MGST1: variants seen among roughly 807,000 people sequenced by gnomAD.
MGST1 encodes microsomal glutathione S-transferase 1, also known as glutathione S-transferase 12.
MGST1 carries 5 observed loss-of-function variants against 8.9 expected under a neutral mutation model. That is an observed-to-expected ratio of 0.56 (90% confidence interval 0.29 to 1.19). The LOEUF is 1.19. MGST1 is among the 50% of genes most tolerant of loss of function. MGST1 has a pLI of 0.08. For synonymous variants in MGST1, 54 were observed against 67.8 expected (o/e 0.80, Z 1.00); for missense variants, 182 against 187.4 (o/e 0.97, Z 0.17).
chr12:16,369,436 A>C lies in MGST1; in HGVS notation c.222-6686A>C, dbSNP rs538438206. Among the ~76,000 whole-genome samples the C allele has an allele frequency of 4.6e-5, 7 of 152,048 alleles. No homozygotes were observed. The South Asian group carries it at 1.5e-3, about 32-fold the overall frequency. On this transcript the variant is annotated intron_variant, in intron 3 of 3. Transcript: ENST00000535309. This position sits in a 1 kb window ranked among gnomAD's most constrained non-coding sequence, Gnocchi z 4.8. Reference sequence around the variant, plus strand: ...GAATATGTGTCTGGGTTCTCTAAGGAATCTGGAAATTGGCTGAAACTTGGC... The same window carrying C: ...GAATATGTGTCTGGGTTCTCTAAGGCATCTGGAAATTGGCTGAAACTTGGC...
rs1285320874 is a variant in MGST1 at position 16,555,901 on chromosome 12, C to T, written n.483-33627C>T. On this transcript the variant is annotated intron_variant and non_coding_transcript_variant, in intron 4 of 4. Coordinates refer to the MGST1 transcript ENST00000538857. The surrounding 1 kb of genome is among the most constrained non-coding windows in gnomAD (Gnocchi z 5.5). ...TCTAGGGAGTTCTTTTTTCAAGACC[C>T]AGCATATCAGGCCTTTGATGCTTCC... Among the ~76,000 whole-genome samples, 1 of 152,078 alleles carries T rather than the reference C, an allele frequency of 6.6e-6. No homozygotes were observed. The highest frequency in any genetic ancestry group is 1.5e-5 in the Non-Finnish European group (1 of 68,014).
chr12:16,363,846 C>T lies in MGST1; in HGVS notation c.273C>T (p.Leu91=). Residue 91 remains leucine, a synonymous_variant, in exon 4 of 4, where the codon CTC becomes CTT. Transcript: ENST00000396210. This position sits in a 1 kb window ranked among gnomAD's most constrained non-coding sequence, Gnocchi z 4.6. ...TTATTCCATTTCTTGGAATTGGCCT[C>T]CTGTATTCCTTGAGTGGTCCCGACC... ...ENIIPFLGIG[L]LYSLSGPDPS... The T allele has an allele frequency of 1.2e-6, 2 of 1,613,134 alleles. No homozygotes were observed. Among genetic ancestry groups the T allele is most frequent in the South Asian group, 1.1e-5 (1 of 91,026 alleles).
chr12:16,529,495 A>G (rs1941709421), intron 4 of MGST1, among the ~76,000 whole-genome samples: 1 of 152,078 alleles, frequency 6.6e-6, no homozygotes, highest in Non-Finnish European at 1.5e-5. Context: ...CAAGTCTATC[A>G]ACAATTTCAT....
chr12:16,415,578 C>T (rs1248814041), intron 1 of MGST1, among the ~76,000 whole-genome samples: 1 of 152,156 alleles, frequency 6.6e-6, no homozygotes, highest in Non-Finnish European at 1.5e-5. Context: ...ATTTTCTCTT[C>T]CTTATGAATT....
At chr12:16,581,461 T>C (rs1281808556) in intron 4 of MGST1, among the ~76,000 whole-genome samples, 1 of 152,182 alleles carries the variant, frequency 6.6e-6, no homozygotes, top group African/African-American at 2.4e-5. Flanking sequence ...TGAAAAATAA[T>C]ACTAAAATAT....
At chr12:16,568,069 C>T (rs1443586169) in intron 4 of MGST1, among the ~76,000 whole-genome samples, 2 of 151,988 alleles carry the variant, frequency 1.3e-5, no homozygotes, top group Non-Finnish European at 2.9e-5. Flanking sequence ...ACACTGGCAA[C>T]AATAGAAAAT....
At chr12:16,365,499 G>A (rs1425549917), downstream of MGST1, among the ~76,000 whole-genome samples, 1 of 152,064 alleles carries the variant, frequency 6.6e-6, no homozygotes, top group African/African-American at 2.4e-5. Flanking sequence ...TGTATTTTAG[G>A]TTTCATAGTT....
intron 4 of MGST1, chr12:16,551,437 G>GA (rs1353568607): frequency 4.3e-5 from 29 of 675,590 alleles, no homozygotes; most frequent in Non-Finnish European, 1.6e-5. Context: ...CCCTGAATCT[G>GA]AAAACCTGGC....
Position 16,585,946 on chromosome 12 carries a change from C to T in MGST1, n.483-3582C>T, listed in dbSNP as rs1032255102. Among the ~76,000 whole-genome samples, 1 of 152,112 alleles carries T rather than the reference C, an allele frequency of 6.6e-6. No individual in the cohort carries two copies. Among genetic ancestry groups the T allele is most frequent in the Admixed American group, 6.6e-5 (1 of 15,254 alleles). On this transcript the variant is annotated intron_variant and non_coding_transcript_variant, in intron 4 of 4. Coordinates refer to the MGST1 transcript ENST00000538857. This position sits in a 1 kb window ranked among gnomAD's most constrained non-coding sequence, Gnocchi z 4.7. ...ATCCTAAGATCTGGGCGACATTTCA[C>T]CAGTGAGGCGGTAGGACATTGTGTG...
intron 1 of MGST1, chr12:16,400,878 A>T (rs1026628402): frequency 8.6e-7 from 1 of 1,169,470 alleles, no homozygotes; most frequent in African/African-American, 1.5e-5. Flanking sequence ...GGCATCAGAG[A>T]TGGGTGTTTA....
In MGST1 at chr12:16,500,949, C is replaced by CA. The variant is rs1159325969; in HGVS notation, n.483-88573dup. 6.6e-6 allele frequency among the ~76,000 whole-genome samples: 1 copy of CA among 151,850 alleles called. No homozygotes were observed. Among genetic ancestry groups the CA allele is most frequent in the Non-Finnish European group, 1.5e-5 (1 of 67,948 alleles). Reference sequence around the variant, plus strand: ...TGAAACCCTGTCTGTGCTGAAAATACAAAAAACTTAGCTGGGTATGGTGGT... The same window carrying CA: ...TGAAACCCTGTCTGTGCTGAAAATACAAAAAAACTTAGCTGGGTATGGTGGT... On this transcript the variant is annotated intron_variant and non_coding_transcript_variant, in intron 4 of 4. Coordinates refer to the MGST1 transcript ENST00000538857. This position sits in a 1 kb window ranked among gnomAD's most constrained non-coding sequence, Gnocchi z 4.3.
At chr12:16,437,752 A>G (rs947078235) in exon 2 of MGST1, 3 of 152,036 alleles carry the variant, frequency 2.0e-5, no homozygotes, top group African/African-American at 7.2e-5. Flanking sequence ...GAAAACAGGA[A>G]TAAGTGACTG....
chr12:16,465,217 CT>C (rs1941245653), intron 4 of MGST1, among the ~76,000 whole-genome samples: 1 of 152,168 alleles, frequency 6.6e-6, no homozygotes, highest in Non-Finnish European at 1.5e-5. Context: ...TGACTGAATC[CT>C]TTTGAACTCA....
intron 4 of MGST1, among the ~76,000 whole-genome samples, chr12:16,554,849 G>A (rs1178938718): frequency 6.6e-6 from 1 of 151,930 alleles, no homozygotes; most frequent in Non-Finnish European, 1.5e-5. Flanking sequence ...TAGTAGAGAC[G>A]GGGTTTCACC....
intron 4 of MGST1, among the ~76,000 whole-genome samples, chr12:16,542,567 T>C (rs889862592): frequency 9.2e-5 from 14 of 152,206 alleles, no homozygotes; most frequent in African/African-American, 3.1e-4. Flanking sequence ...CCCTTCTTCA[T>C]TGTTCCTTTC....
At chr12:16,351,967 G>A (rs909754749) in intron 1 of MGST1, among the ~76,000 whole-genome samples, 1 of 152,184 alleles carries the variant, frequency 6.6e-6, no homozygotes, top group East Asian at 1.9e-4. Context: ...CACAGAGTAG[G>A]CATTCACTTA....
At chr12:16,383,833 CTGTG>C (rs1940479728) in intron 1 of MGST1, among the ~76,000 whole-genome samples, 1 of 152,172 alleles carries the variant, frequency 6.6e-6, no homozygotes, top group Non-Finnish European at 1.5e-5. Context: ...ACATACTATT[CTGTG>C]TGTGTCTGCA....
At chr12:16,428,682 G>A (rs919806972) in intron 1 of MGST1, among the ~76,000 whole-genome samples, 2 of 151,552 alleles carry the variant, frequency 1.3e-5, no homozygotes, top group African/African-American at 4.8e-5. Context: ...TAGTATTATT[G>A]GTTTTGTTGT....
chr12:16,520,597 G>C (rs1042686576), intron 4 of MGST1, among the ~76,000 whole-genome samples: 1 of 152,074 alleles, frequency 6.6e-6, no homozygotes, highest in African/African-American at 2.4e-5. Flanking sequence ...GGAAACAATA[G>C]GGAGGTTGGG....
Sources: allele counts gnomAD v4.1 joint callset (sites outside exome capture counted in the v4.1 genomes callset), GRCh38; gene constraint gnomAD v4.1.1; non-coding constraint Gnocchi (gnomAD v3.1); transcripts MANE v1.5; gene names NCBI Gene and HGNC (gene_info 2026-07-23, HGNC 2026-07-21).